DCP1B: variants seen among roughly 807,000 people sequenced by gnomAD.
DCP1B encodes mRNA-decapping enzyme 1B.
DCP1B carries 47 observed loss-of-function variants against 60.5 expected under a neutral mutation model. That is an observed-to-expected ratio of 0.78 (90% CI 0.61 to 0.99). The LOEUF (loss-of-function observed/expected upper bound fraction) is 0.99. Ranked by LOEUF, DCP1B falls within the 50% of genes least tolerant of loss-of-function variation. DCP1B has a pLI of 0.00. For synonymous variants in DCP1B, 267 were observed against 280.3 expected (o/e 0.95, Z 0.47); for missense variants, 725 against 756.8 (o/e 0.96, Z 0.49).
At chr12:1,949,811 G>C (rs1347404465) in intron 7 of DCP1B, among the ~76,000 whole-genome samples, 1 of 152,198 alleles carries the variant, frequency 6.6e-6, no homozygotes. Context: ...TGGGGAGGGA[G>C]AGTGATGTGT....
At chr12:1,960,973 G>A (rs994778645) in intron 5 of DCP1B, among the ~76,000 whole-genome samples, 2 of 152,214 alleles carry the variant, frequency 1.3e-5, no homozygotes, top group African/African-American at 4.8e-5. Flanking sequence ...ATATCTGTGT[G>A]TGAGTGCAGA....
chr12:1,977,349 T>C (rs949009278), intron 3 of DCP1B, among the ~76,000 whole-genome samples: 8 of 152,160 alleles, frequency 5.3e-5, no homozygotes, highest in South Asian at 4.1e-4. Flanking sequence ...GTCTCTACCA[T>C]GAAGTGGGAA....
At chr12:1,983,900 T>G (rs1323873043) in intron 3 of DCP1B, among the ~76,000 whole-genome samples, 1 of 152,074 alleles carries the variant, frequency 6.6e-6, no homozygotes, top group Non-Finnish European at 1.5e-5. Flanking sequence ...TCACACACTT[T>G]GAAGCTCTGT....
chr12:1,946,547 T>C (rs1360491813), intron 8 of DCP1B, among the ~76,000 whole-genome samples: 1 of 152,202 alleles, frequency 6.6e-6, no homozygotes, highest in Non-Finnish European at 1.5e-5. Context: ...CCCAGACACA[T>C]GGCAGCATGG....
intron 1 of DCP1B, among the ~76,000 whole-genome samples, chr12:2,002,842 A>G (rs2042482371): frequency 6.6e-6 from 1 of 152,210 alleles, no homozygotes. Context: ...ATTACCATGG[A>G]GGAAACTGTC....
intron 3 of DCP1B, among the ~76,000 whole-genome samples, chr12:1,983,670 G>A (rs1250672035): frequency 3.3e-5 from 5 of 151,876 alleles, no homozygotes; most frequent in African/African-American, 7.3e-5. Flanking sequence ...AATGTTTCAC[G>A]TGCACTTGAG....
At chr12:1,995,053 A>G (rs1161675844) in intron 2 of DCP1B, among the ~76,000 whole-genome samples, 6 of 152,180 alleles carry the variant, frequency 3.9e-5, no homozygotes, top group Non-Finnish European at 8.8e-5. Flanking sequence ...TGGAGAAAAG[A>G]CTAAAAAACA....
intron 3 of DCP1B, among the ~76,000 whole-genome samples, chr12:1,969,073 G>T (rs186639076): frequency 6.6e-6 from 1 of 152,088 alleles, no homozygotes; most frequent in Admixed American, 6.5e-5. Context: ...GCAATATTAC[G>T]ATAGGGCAAT....
intron 4 of DCP1B, among the ~76,000 whole-genome samples, chr12:1,966,841 T>G (rs1437076527): frequency 1.3e-5 from 2 of 152,242 alleles, no homozygotes; most frequent in Non-Finnish European, 2.9e-5. Flanking sequence ...CAGGAATCTA[T>G]CTCATCTCTT....
At chr12:2,004,055 T>C (rs2042806339) in intron 1 of DCP1B, 3 of 622,934 alleles carry the variant, frequency 4.8e-6, no homozygotes, top group Admixed American at 3.0e-5. Context: ...TTGGGTACGT[T>C]AGAGATTTAA....
At chr12:1,973,034 A>C (rs897862711) in intron 3 of DCP1B, among the ~76,000 whole-genome samples, 1 of 152,136 alleles carries the variant, frequency 6.6e-6, no homozygotes, top group African/African-American at 2.4e-5. Flanking sequence ...GAATGTTTGC[A>C]CTCAAAATGC....
chr12:1,960,399 G>C (rs2031080052), intron 5 of DCP1B, among the ~76,000 whole-genome samples: 1 of 152,200 alleles, frequency 6.6e-6, no homozygotes, highest in Admixed American at 6.5e-5. Flanking sequence ...GGAGGATTTT[G>C]GAGATGTTGG....
chr12:1,952,321 G>A (rs2030703910), intron 7 of DCP1B, 95 bp downstream of exon 7: 1 of 1,427,692 alleles, frequency 7.0e-7, no homozygotes. Flanking sequence ...CTATAGGCGT[G>A]TGACACCAAG....
chr12:1,979,499 A>AG (rs1050707130), intron 3 of DCP1B, among the ~76,000 whole-genome samples: 1 of 151,690 alleles, frequency 6.6e-6, no homozygotes, highest in Non-Finnish European at 1.5e-5. Flanking sequence ...TTTAGTAGAG[A>AG]GGGGGTTTCA....
At chr12:2,000,090 A>G (rs1026399884) in intron 1 of DCP1B, among the ~76,000 whole-genome samples, 5 of 152,254 alleles carry the variant, frequency 3.3e-5, no homozygotes, top group Admixed American at 6.5e-5. Flanking sequence ...TGGCCCCTAC[A>G]GTACAGTAAA....
chr12:1,952,717 A>C lies in DCP1B; in HGVS notation c.1223T>G (p.Phe408Cys), dbSNP rs765712947. The C allele has an allele frequency of 2.5e-6, 4 of 1,614,094 alleles. No homozygotes were observed. The highest frequency in any genetic ancestry group is 3.4e-6 in the Non-Finnish European group (4 of 1,180,004). The change falls in exon 7 of 9, where the codon TTC (phenylalanine) becomes TGC (cysteine). Residue 408 changes from phenylalanine to cysteine, a missense_variant. Coordinates refer to ENST00000280665, the MANE Select transcript of DCP1B (RefSeq NM_152640.5). ...TGTCTGAGGTGGAAGGGAGCCATTG[A>C]AATAGGCCTGTGGTGGCTGAGCCAG... ...KGLAQPPQAY[F>C]NGSLPPQTVG...
chr12:1,987,032 G>A (rs2038001907), intron 3 of DCP1B, among the ~76,000 whole-genome samples: 1 of 152,148 alleles, frequency 6.6e-6, no homozygotes, highest in South Asian at 2.1e-4. Context: ...AGAAGCTACA[G>A]AACCACTCCA....
At chr12:1,990,561 G>A (rs1263077530) in intron 3 of DCP1B, among the ~76,000 whole-genome samples, 1 of 150,998 alleles carries the variant, frequency 6.6e-6, no homozygotes, top group African/African-American at 2.4e-5. Context: ...CTCTCCTAAT[G>A]AATCTAAAAA....
chr12:1,972,980 C>T (rs1291965464), intron 3 of DCP1B, among the ~76,000 whole-genome samples: 9 of 152,208 alleles, frequency 5.9e-5, no homozygotes, highest in Admixed American at 2.6e-4. Flanking sequence ...ACACAGGCTG[C>T]GTTTGGCCGG....
Sources: allele counts gnomAD v4.1 joint callset (sites outside exome capture counted in the v4.1 genomes callset), GRCh38; gene constraint gnomAD v4.1.1; transcripts MANE v1.5; gene names NCBI Gene and HGNC (gene_info 2026-07-23, HGNC 2026-07-21).